The following ATF7IP variants were observed in gnomAD, a reference collection of about 807,000 sequenced individuals.
ATF7IP encodes the protein activating transcription factor 7 interacting protein.
Under a neutral mutation model 106.4 loss-of-function variants are expected in ATF7IP, and 23 were observed. The observed-to-expected ratio is 0.22, with a 90% CI of 0.16 to 0.31. ATF7IP has a LOEUF of 0.31. ATF7IP is among the 10% of genes least tolerant of loss of function. The pLI is 1.00. For synonymous variants in ATF7IP, 542 were observed against 539.0 expected (o/e 1.01, Z -0.08); for missense variants, 1,334 against 1,524.3 (o/e 0.88, Z 2.08).
chr12:14,422,333 AC>A, intron 1 of ATF7IP, among the ~76,000 whole-genome samples: 2 of 151,516 alleles, frequency 1.3e-5, no homozygotes, highest in African/African-American at 4.9e-5. Flanking sequence ...ACACACACAC[AC>A]ACACACACAC....
At chr12:14,465,257 A>C (rs1353805233) in intron 9 of ATF7IP, among the ~76,000 whole-genome samples, 1 of 151,990 alleles carries the variant, frequency 6.6e-6, no homozygotes, top group East Asian at 1.9e-4. Flanking sequence ...AAAAAATAAA[A>C]ATATAAAAGT....
At chr12:14,414,198 A>G (rs1302049640) in intron 1 of ATF7IP, among the ~76,000 whole-genome samples, 1 of 152,202 alleles carries the variant, frequency 6.6e-6, no homozygotes, top group Non-Finnish European at 1.5e-5. Context: ...TTATAATTAT[A>G]CTTCTTTACA....
At chr12:14,373,178 AAAG>A (rs1170550219) in intron 1 of ATF7IP, among the ~76,000 whole-genome samples, 2 of 152,206 alleles carry the variant, frequency 1.3e-5, no homozygotes, top group African/African-American at 4.8e-5. Context: ...ATGTAAGGGA[AAAG>A]AGAGACTGCT....
In ATF7IP at chr12:14,440,202, C is replaced by T. The variant is rs555933305; in HGVS notation, c.1929+1935C>T. On this transcript the variant is annotated intron_variant, in intron 5 of 14. Transcript: ENST00000261168. Reference sequence around the variant, plus strand: ...ATTATTTCCTAGAAAAAATAAATCTCAATTCTTTTCACTTTTCATTAGGCC... The same window carrying T: ...ATTATTTCCTAGAAAAAATAAATCTTAATTCTTTTCACTTTTCATTAGGCC... Among the ~76,000 whole-genome samples, 40 of 152,194 alleles carry T rather than the reference C, an allele frequency of 2.6e-4. No individual in the cohort carries two copies. The South Asian group carries it at 8.3e-3, about 32-fold the overall frequency.
At chr12:14,492,026 T>C (rs1012971956) in intron 13 of ATF7IP, among the ~76,000 whole-genome samples, 1 of 152,236 alleles carries the variant, frequency 6.6e-6, no homozygotes, top group Non-Finnish European at 1.5e-5. Flanking sequence ...GAGGCAGCTC[T>C]AATGGCTTCC....
At chr12:14,422,238 C>A in intron 1 of ATF7IP, among the ~76,000 whole-genome samples, 1 of 147,160 alleles carries the variant, frequency 6.8e-6, no homozygotes, top group Admixed American at 6.8e-5. Context: ...GAAATATCAG[C>A]CAAGTAAAGG....
intron 13 of ATF7IP, among the ~76,000 whole-genome samples, chr12:14,486,406 C>G (rs1383588471): frequency 6.6e-6 from 1 of 152,110 alleles, no homozygotes; most frequent in Non-Finnish European, 1.5e-5. Context: ...GAAAGATTCA[C>G]TGCGTAAATT....
At chr12:14,403,706 T>C (rs1312026845) in intron 1 of ATF7IP, among the ~76,000 whole-genome samples, 1 of 152,226 alleles carries the variant, frequency 6.6e-6, no homozygotes, top group Non-Finnish European at 1.5e-5. Flanking sequence ...CTTAGTTATA[T>C]GTACTTGGTG....
chr12:14,494,559 A>G (rs910377844), intron 13 of ATF7IP, among the ~76,000 whole-genome samples: 1 of 147,574 alleles, frequency 6.8e-6, no homozygotes, highest in Non-Finnish European at 1.5e-5. Flanking sequence ...AATATTAAAT[A>G]TATGTAAAAT....
At chr12:14,416,141 C>T (rs934706741) in intron 1 of ATF7IP, among the ~76,000 whole-genome samples, 3 of 152,004 alleles carry the variant, frequency 2.0e-5, no homozygotes, top group African/African-American at 7.2e-5. Flanking sequence ...TAGAGTATTG[C>T]AAATTCTCAA....
chr12:14,428,023 A>G (rs1941945090), intron 2 of ATF7IP, among the ~76,000 whole-genome samples: 1 of 152,200 alleles, frequency 6.6e-6, no homozygotes, highest in Non-Finnish European at 1.5e-5. Flanking sequence ...AATGAAATTT[A>G]CATTTTGGAA....
chr12:14,422,268 A>G (rs1012400364), intron 1 of ATF7IP, among the ~76,000 whole-genome samples: 1 of 151,830 alleles, frequency 6.6e-6, no homozygotes, highest in African/African-American at 2.4e-5. Context: ...TAATAAGTGA[A>G]TAGAATTGAT....
At chr12:14,480,686 T>G (rs1944401823) in intron 12 of ATF7IP, among the ~76,000 whole-genome samples, 1 of 152,218 alleles carries the variant, frequency 6.6e-6, no homozygotes, top group Non-Finnish European at 1.5e-5. Flanking sequence ...CTCTTTTAAG[T>G]CACTCCTGTG....
At chr12:14,408,949 C>T (rs1306819375) in intron 1 of ATF7IP, among the ~76,000 whole-genome samples, 5 of 152,002 alleles carry the variant, frequency 3.3e-5, no homozygotes, top group Non-Finnish European at 7.4e-5. Context: ...CTACGTAGTT[C>T]ACTAATATTA....
At chr12:14,389,532 CTT>C (rs1186734357) in intron 1 of ATF7IP, among the ~76,000 whole-genome samples, 1 of 152,120 alleles carries the variant, frequency 6.6e-6, no homozygotes, top group African/African-American at 2.4e-5. Flanking sequence ...AGTAAATTCT[CTT>C]TGAAAAAAAT....
chr12:14,478,871 G>A (rs537662835), intron 12 of ATF7IP, among the ~76,000 whole-genome samples: 3 of 152,132 alleles, frequency 2.0e-5, no homozygotes, highest in Non-Finnish European at 4.4e-5. Flanking sequence ...GAAATGCTGA[G>A]TTTAAAGCTA....
intron 9 of ATF7IP, among the ~76,000 whole-genome samples, chr12:14,461,929 T>C (rs532144413): frequency 2.0e-5 from 3 of 152,254 alleles, no homozygotes; most frequent in East Asian, 3.9e-4. Context: ...CCATGTAATA[T>C]AGGAAACAAA....
chr12:14,476,038 TC>T, intron 11 of ATF7IP, 70 bp downstream of exon 11: 1 of 1,090,998 alleles, frequency 9.2e-7, no homozygotes, highest in Non-Finnish European at 1.4e-6. Context: ...GGTACAGTAT[TC>T]TACAAAGACA....
At chr12:14,383,416 G>A (rs116765495) in intron 1 of ATF7IP, among the ~76,000 whole-genome samples, 5,744 of 152,222 alleles carry the variant, frequency 0.038, 208 homozygotes, top group African/African-American at 0.09. Flanking sequence ...ATGTAAGAAA[G>A]TGTTCATTAG....
Sources: gnomAD v4.1 joint callset for allele counts (sites outside exome capture counted in the v4.1 genomes callset) on GRCh38, gnomAD v4.1.1 for gene constraint, MANE v1.5 for transcripts, NCBI Gene and HGNC (gene_info 2026-07-23, HGNC 2026-07-21) for gene names.